Variants in ADAMTSL3 observed in about 807,000 individuals in gnomAD.
The protein encoded by ADAMTSL3 is ADAMTS like 3.
ADAMTSL3 carries 128 observed loss-of-function variants against 201.7 expected under a neutral mutation model. The ratio of observed to expected loss-of-function variants is 0.63; its 90% CI spans 0.55 to 0.73. The LOEUF is 0.73. Among genes scored for constraint, ADAMTSL3 ranks in the 30% least tolerant of loss-of-function variants. ADAMTSL3 has a pLI of 0.00. For missense variants in ADAMTSL3, 1,990 were observed against 2,119.6 expected (o/e 0.94, Z 1.20); for synonymous variants, 738 against 748.4 (o/e 0.99, Z 0.23).
At chr15:84,019,114 C>CACACACACAT in intron 25 of ADAMTSL3, among the ~76,000 whole-genome samples, 1 of 150,026 alleles carries the variant, frequency 6.7e-6, no homozygotes, top group African/African-American at 2.4e-5. Context: ...CACACACACA[C>CACACACACAT]AGTGGGCAAC....
At chr15:83,680,452 T>G (rs1596016257) in intron 2 of ADAMTSL3, among the ~76,000 whole-genome samples, 1 of 152,004 alleles carries the variant, frequency 6.6e-6, no homozygotes, top group East Asian at 1.9e-4. Context: ...CTTTGATAAT[T>G]TCGATACTTT....
chr15:83,753,611 G>A (rs2062672996), intron 3 of ADAMTSL3, among the ~76,000 whole-genome samples: 1 of 151,762 alleles, frequency 6.6e-6, no homozygotes, highest in South Asian at 2.1e-4. Flanking sequence ...AAGAAAAGTC[G>A]AAAAAGAATT....
At chr15:83,694,008 A>T (rs1352410496) in intron 2 of ADAMTSL3, among the ~76,000 whole-genome samples, 1 of 152,220 alleles carries the variant, frequency 6.6e-6, no homozygotes, top group Non-Finnish European at 1.5e-5. Flanking sequence ...CCAGAGAGAT[A>T]ATGATGAGTG....
chr15:83,728,638 T>C (rs530501849), intron 3 of ADAMTSL3, among the ~76,000 whole-genome samples: 62 of 152,140 alleles, frequency 4.1e-4, no homozygotes, highest in African/African-American at 1.3e-3. Flanking sequence ...CCAACATAAA[T>C]TCTGCACTTA....
intron 3 of ADAMTSL3, among the ~76,000 whole-genome samples, chr15:83,713,079 A>G (rs1257595101): frequency 1.3e-5 from 2 of 152,056 alleles, no homozygotes; most frequent in African/African-American, 4.8e-5. Flanking sequence ...GGCCTCTTCT[A>G]TCAGTGTCAT....
In ADAMTSL3 at chr15:84,036,749, G is replaced by A. The variant is rs60008278; in HGVS notation, c.4755-24G>A. The A allele has an allele frequency of 7.0e-4, 1,105 of 1,578,090 alleles. 8 individuals are homozygous for A. The African/African-American group carries it at 0.012, about 18-fold the overall frequency. ...TGCCTCTCCTATTTTTTGTTTTTCCGTTTTGTTTTATTTTTCACTTCAGAC... is the reference window on the plus strand; with the variant it reads ...TGCCTCTCCTATTTTTTGTTTTTCCATTTTGTTTTATTTTTCACTTCAGAC... On this transcript the variant is annotated intron_variant, in intron 28 of 29. Coordinates refer to ENST00000286744, the MANE Select transcript of ADAMTSL3 (RefSeq NM_207517.3).
intron 3 of ADAMTSL3, among the ~76,000 whole-genome samples, chr15:83,766,236 C>G (rs1004057083): frequency 1.3e-5 from 2 of 152,190 alleles, no homozygotes; most frequent in African/African-American, 4.8e-5. Flanking sequence ...CAGCCCTTGT[C>G]CCTCTCACCT....
At chr15:83,807,925 G>A (rs2063626116) in intron 5 of ADAMTSL3, among the ~76,000 whole-genome samples, 1 of 152,152 alleles carries the variant, frequency 6.6e-6, no homozygotes, top group African/African-American at 2.4e-5. Context: ...TGGGAAAATT[G>A]GATATCTATA....
At chr15:83,828,455 A>G (rs4594227) in intron 6 of ADAMTSL3, among the ~76,000 whole-genome samples, 78,342 of 151,994 alleles carry the variant, frequency 0.52, 20,747 homozygotes, top group Admixed American at 0.63. Flanking sequence ...CTAAATATAC[A>G]ATCATGTCAT....
intron 8 of ADAMTSL3, among the ~76,000 whole-genome samples, chr15:83,868,081 C>T (rs868284274): frequency 2.0e-5 from 3 of 152,070 alleles, no homozygotes; most frequent in Non-Finnish European, 2.9e-5. Flanking sequence ...GAAGTTGGGC[C>T]GTGGGCAGCA....
chr15:83,924,152 C>T, intron 17 of ADAMTSL3, 119 bp downstream of exon 17: 1 of 1,293,094 alleles, frequency 7.7e-7, no homozygotes, highest in Admixed American at 2.6e-5. Context: ...GCTAAGCCTG[C>T]TTCAGAGCTC....
intron 6 of ADAMTSL3, among the ~76,000 whole-genome samples, chr15:83,823,088 C>G (rs186097652): frequency 0.018 from 2,784 of 151,588 alleles, 25 homozygotes; most frequent in African/African-American, 0.025. Context: ...TGCAGGCACT[C>G]GGCAGGCTGA....
intron 4 of ADAMTSL3, among the ~76,000 whole-genome samples, chr15:83,776,948 T>TG (rs67503271): frequency 0.75 from 113,653 of 152,124 alleles, 42,951 homozygotes; most frequent in East Asian, 0.98. Flanking sequence ...GTGAGCAGAA[T>TG]GGCAGTCCCC....
chr15:83,989,874 T>C (rs2067552351), intron 22 of ADAMTSL3, among the ~76,000 whole-genome samples: 1 of 152,250 alleles, frequency 6.6e-6, no homozygotes, highest in Admixed American at 6.5e-5. Flanking sequence ...ACGTTAACTT[T>C]GCATTTTTCT....
At chr15:83,757,224 A>G (rs1184125940) in intron 3 of ADAMTSL3, among the ~76,000 whole-genome samples, 4 of 152,228 alleles carry the variant, frequency 2.6e-5, no homozygotes, top group Non-Finnish European at 5.9e-5. Context: ...GAGGTTCTCC[A>G]TGAGGGCTTG....
Position 83,983,507 on chromosome 15 carries a change from G to A in ADAMTSL3, c.3716+163G>A, listed in dbSNP as rs892883457. Among the ~76,000 whole-genome samples the A allele has an allele frequency of 9.2e-5, 14 of 152,118 alleles. 1 individual carries two copies. The South Asian group carries it at 2.1e-3, about 23-fold the overall frequency. On this transcript the variant is annotated intron_variant, in intron 21 of 29. Transcript: ENST00000286744. ...GTTAAGATGTGTTTTTCACATATACGTTGGAATTTTTAAATTCAACCGCCA... is the reference window on the plus strand; with the variant it reads ...GTTAAGATGTGTTTTTCACATATACATTGGAATTTTTAAATTCAACCGCCA...
chr15:83,790,904 A>G (rs752742829), intron 4 of ADAMTSL3, among the ~76,000 whole-genome samples: 1 of 152,216 alleles, frequency 6.6e-6, no homozygotes, highest in African/African-American at 2.4e-5. Context: ...GCCATTAATA[A>G]TCATTCAGAA....
chr15:84,016,542 T>A (rs766428446), intron 25 of ADAMTSL3, 43 bp downstream of exon 25: 1 of 1,478,504 alleles, frequency 6.8e-7, no homozygotes. Context: ...GTGTGAGGCA[T>A]GTGTAAGGAA....
chr15:83,757,784 A>G (rs2062744691), intron 3 of ADAMTSL3, among the ~76,000 whole-genome samples: 1 of 152,160 alleles, frequency 6.6e-6, no homozygotes, highest in South Asian at 2.1e-4. Flanking sequence ...TAACCTCTTG[A>G]ATGCTTTGCT....
Sources: gnomAD v4.1 joint callset for allele counts (sites outside exome capture counted in the v4.1 genomes callset) on GRCh38, gnomAD v4.1.1 for gene constraint, MANE v1.5 for transcripts, NCBI Gene and HGNC (gene_info 2026-07-23, HGNC 2026-07-21) for gene names.